The following ARHGAP24 variants were observed in gnomAD, a reference collection of about 807,000 sequenced individuals.
ARHGAP24 encodes the protein Rho GTPase activating protein 24.
ARHGAP24 carries 50 observed loss-of-function variants against 76.4 expected under a neutral mutation model. The observed-to-expected ratio is 0.65, with a 90% CI of 0.52 to 0.83. ARHGAP24 has a LOEUF of 0.83. Ranked by LOEUF, ARHGAP24 falls within the 40% of genes least tolerant of loss-of-function variation. ARHGAP24 has a pLI of 0.00. For synonymous variants in ARHGAP24, 345 were observed against 323.3 expected (o/e 1.07, Z -0.72); for missense variants, 930 against 914.2 (o/e 1.02, Z -0.22).
At chr4:85,808,033 A>G (rs999581587) in intron 3 of ARHGAP24, among the ~76,000 whole-genome samples, 6 of 152,130 alleles carry the variant, frequency 3.9e-5, no homozygotes, top group Admixed American at 1.3e-4. Context: ...ATTCACTCTA[A>G]TACATGTTTT....
chr4:85,896,177 G>A (rs1312104283), intron 3 of ARHGAP24, among the ~76,000 whole-genome samples: 1 of 152,154 alleles, frequency 6.6e-6, no homozygotes, highest in African/African-American at 2.4e-5. Context: ...TTTAATGAAA[G>A]GATGCAGTTG....
At chr4:85,550,239 G>C (rs1726075584) in intron 1 of ARHGAP24, among the ~76,000 whole-genome samples, 2 of 152,200 alleles carry the variant, frequency 1.3e-5, no homozygotes, top group South Asian at 4.1e-4. Flanking sequence ...TATAAGGAAA[G>C]GGTCCAGTTT....
intron 3 of ARHGAP24, among the ~76,000 whole-genome samples, chr4:85,742,431 A>T (rs1725861391): frequency 6.6e-6 from 1 of 152,262 alleles, no homozygotes; most frequent in African/African-American, 2.4e-5. Context: ...AGTTGAATGG[A>T]ACATGCAACC....
chr4:85,626,696 A>G (rs1056752719), intron 2 of ARHGAP24, among the ~76,000 whole-genome samples: 6 of 152,142 alleles, frequency 3.9e-5, no homozygotes, highest in Non-Finnish European at 8.8e-5. Context: ...CATTCTCCCC[A>G]TCACTTTCAG....
At chr4:85,739,113 C>T (rs1217107739) in intron 3 of ARHGAP24, among the ~76,000 whole-genome samples, 1 of 152,152 alleles carries the variant, frequency 6.6e-6, no homozygotes, top group Non-Finnish European at 1.5e-5. Flanking sequence ...GATTTTCTTG[C>T]CATGGCCTTG....
intron 2 of ARHGAP24, among the ~76,000 whole-genome samples, chr4:85,698,150 A>T (rs1723939240): frequency 1.3e-5 from 2 of 152,210 alleles, no homozygotes; most frequent in Non-Finnish European, 2.9e-5. Flanking sequence ...GTGACAATGT[A>T]TGACAAAATT....
At chr4:85,535,236 A>T (rs1349543708) in intron 1 of ARHGAP24, among the ~76,000 whole-genome samples, 1 of 152,186 alleles carries the variant, frequency 6.6e-6, no homozygotes, top group East Asian at 1.9e-4. Flanking sequence ...AAGTTTTTTA[A>T]AAAGCTGGAG....
chr4:85,681,189 G>A (rs1294362826), intron 2 of ARHGAP24, among the ~76,000 whole-genome samples: 2 of 152,026 alleles, frequency 1.3e-5, no homozygotes, highest in Admixed American at 6.6e-5. Flanking sequence ...TTTTTTATGA[G>A]ACAGTAGGAT....
intron 1 of ARHGAP24, among the ~76,000 whole-genome samples, chr4:85,499,727 G>C (rs13434427): frequency 0.059 from 8,977 of 152,162 alleles, 861 homozygotes; most frequent in African/African-American, 0.2. Flanking sequence ...AGATGAGTAC[G>C]GAAGAAGAAA....
chr4:85,979,737 G>C lies in ARHGAP24; in HGVS notation c.928+2046G>C, dbSNP rs376270365. On this transcript the variant is annotated intron_variant, in intron 8 of 9. Coordinates refer to ENST00000395184, the MANE Select transcript of ARHGAP24 (RefSeq NM_001025616.3). ...ATCTTTAAAAGGCAAGACAAATGCT[G>C]CTTGAATCTTTCCCTTTACTTACCA... Among the ~76,000 whole-genome samples the C allele has an allele frequency of 6.6e-5, 10 of 152,262 alleles. No homozygotes were observed. The South Asian group carries it at 1.0e-3, about 16-fold the overall frequency.
At chr4:85,623,903 T>C (rs1447837693) in intron 2 of ARHGAP24, among the ~76,000 whole-genome samples, 1 of 150,596 alleles carries the variant, frequency 6.6e-6, no homozygotes, top group East Asian at 2.0e-4. Context: ...GTTATTGGTG[T>C]ATAAGAATGC....
intron 8 of ARHGAP24, among the ~76,000 whole-genome samples, chr4:85,981,061 T>TGCAGAGACA (rs2148859835): frequency 6.6e-6 from 1 of 152,322 alleles, no homozygotes; most frequent in African/African-American, 2.4e-5. Context: ...CATATTAGGG[T>TGCAGAGACA]GCAGAGACGG....
chr4:85,972,969 A>T lies in ARHGAP24; in HGVS notation c.732+801A>T, dbSNP rs538211537. ...TATTACTCATCCATTCATCAGAGAGACCTTTGGGGTTTTTTTCATTATTTG... is the reference window on the plus strand; with the variant it reads ...TATTACTCATCCATTCATCAGAGAGTCCTTTGGGGTTTTTTTCATTATTTG... On this transcript the variant is annotated intron_variant, in intron 6 of 9. Coordinates refer to ENST00000395184, the MANE Select transcript of ARHGAP24 (RefSeq NM_001025616.3). Among the ~76,000 whole-genome samples the T allele has an allele frequency of 2.0e-5, 3 of 152,152 alleles. No homozygotes were observed. The East Asian group carries it at 5.8e-4, about 29-fold the overall frequency.
chr4:85,954,256 A>G (rs892411081), intron 5 of ARHGAP24, among the ~76,000 whole-genome samples: 41 of 152,336 alleles, frequency 2.7e-4, no homozygotes, highest in Middle Eastern at 3.4e-3. Context: ...TTTATCAATA[A>G]TAACCTACCT....
rs541512267 is a variant in ARHGAP24, at chr4:85,484,003, G to A, written c.-21+8444G>A. 3.3e-5 allele frequency among the ~76,000 whole-genome samples: 5 copies of A among 152,354 alleles called. No individual in the cohort carries two copies. The East Asian group carries it at 5.8e-4, about 18-fold the overall frequency. On this transcript the variant is annotated intron_variant, in intron 1 of 9. Coordinates refer to ENST00000395184, the MANE Select transcript of ARHGAP24 (RefSeq NM_001025616.3). The stretch of plus-strand genomic sequence containing the variant: ...TTAACATATATCTAAATACTTAAGA[G>A]TGATTAAAAGTACACATTGATATTG...
chr4:85,873,683 G>A lies in ARHGAP24; in HGVS notation c.269-49965G>A, dbSNP rs142272460. Among the ~76,000 whole-genome samples the A allele has an allele frequency of 3.4e-3, 523 of 152,244 alleles. 3 individuals are homozygous for A. The highest frequency in any genetic ancestry group is 5.8e-3 in the Non-Finnish European group (393 of 68,016). On this transcript the variant is annotated intron_variant, in intron 3 of 9. Coordinates refer to ENST00000395184, the MANE Select transcript of ARHGAP24 (RefSeq NM_001025616.3). ...TTTCTTTCCAAGCATCCCATTTCAGGAGACATCATTTCATGCATTTCTATT... is the reference window on the plus strand; with the variant it reads ...TTTCTTTCCAAGCATCCCATTTCAGAAGACATCATTTCATGCATTTCTATT...
rs1740602793 is a variant in ARHGAP24 at position 85,995,426 on chromosome 4, C to T, written c.1772C>T (p.Pro591Leu). The change falls in exon 9 of 10, where the codon CCT (proline) becomes CTT (leucine). Residue 591 changes from proline to leucine, a missense_variant. Physicochemically the swap from Pro to Leu is moderately conservative, Grantham distance 98. Transcript: ENST00000395184. ...QDFFGGNFED[P>L]VLDGPPQDDL... Reference sequence around the variant, plus strand: ...TTTTTTGGGGGGAACTTTGAGGACCCTGTTTTGGATGGGCCCCCGCAGGAC... The same window carrying T: ...TTTTTTGGGGGGAACTTTGAGGACCTTGTTTTGGATGGGCCCCCGCAGGAC... The T allele has an allele frequency of 1.2e-6, 2 of 1,612,168 alleles. No homozygotes were observed. The highest frequency in any genetic ancestry group is 1.7e-6 in the Non-Finnish European group (2 of 1,178,522).
intron 2 of ARHGAP24, among the ~76,000 whole-genome samples, chr4:85,695,551 A>T (rs1332539956): frequency 1.3e-5 from 2 of 152,214 alleles, no homozygotes; most frequent in African/African-American, 4.8e-5. Context: ...CCCCATTGTC[A>T]TAGCAAATGT....
rs75629486 is a variant in ARHGAP24, at chr4:85,517,045, T to A, written c.-21+41486T>A. ...CCATCTCTCCTTTTCCTTCAGTGAGTTGAGCTGACACTTTTATCATGTAAC... is the reference window on the plus strand; with the variant it reads ...CCATCTCTCCTTTTCCTTCAGTGAGATGAGCTGACACTTTTATCATGTAAC... On this transcript the variant is annotated intron_variant, in intron 1 of 9. Transcript: ENST00000395184. Among the ~76,000 whole-genome samples, 24 of 152,298 alleles carry A rather than the reference T, an allele frequency of 1.6e-4. No individual in the cohort carries two copies. The East Asian group carries it at 4.4e-3, about 28-fold the overall frequency.
Sources: gnomAD v4.1 joint callset for allele counts (sites outside exome capture counted in the v4.1 genomes callset) on GRCh38, gnomAD v4.1.1 for gene constraint, MANE v1.5 for transcripts, NCBI Gene and HGNC (gene_info 2026-07-23, HGNC 2026-07-21) for gene names.